The following PTPRT variants were observed in gnomAD, a reference collection of about 807,000 sequenced individuals.
The protein encoded by PTPRT is receptor-type tyrosine-protein phosphatase T.
In PTPRT, 56 loss-of-function variants were observed where a neutral mutation model predicts 176.8. That is an observed-to-expected ratio of 0.32 (90% CI 0.26 to 0.40). PTPRT has a LOEUF of 0.40. PTPRT is among the 10% of genes least tolerant of loss of function. The pLI, the probability that PTPRT is intolerant of heterozygous loss-of-function variation, is 1.00. For missense variants in PTPRT, 1,540 were observed against 1,908.2 expected (o/e 0.81, Z 3.60); for synonymous variants, 783 against 739.0 (o/e 1.06, Z -0.96).
rs889995599 is a variant in PTPRT at position 43,090,311 on chromosome 20, A to T, written c.88+99335T>A. The stretch of plus-strand genomic sequence containing the variant: ...GAGATGGAGTCTTGTTCTGTCGCCC[A>T]GGCTGGAGTGCAGTGGCGCCATCTC... On this transcript the variant is annotated intron_variant, in intron 1 of 30. Coordinates refer to ENST00000373187, the MANE Select transcript of PTPRT (RefSeq NM_007050.6). 4.0e-5 allele frequency among the ~76,000 whole-genome samples: 6 copies of T among 149,868 alleles called. No individual in the cohort carries two copies. In the Admixed American group the frequency reaches 4.0e-4, roughly 10 times the overall value.
At chr20:42,765,021 A>G (rs1432233511) in intron 5 of PTPRT, among the ~76,000 whole-genome samples, 4 of 152,210 alleles carry the variant, frequency 2.6e-5, no homozygotes, top group Admixed American at 1.3e-4. Context: ...TCCTCAGCTC[A>G]TCAACCCTGT....
At chr20:42,608,393 T>A (rs2073919396) in intron 7 of PTPRT, among the ~76,000 whole-genome samples, 1 of 152,168 alleles carries the variant, frequency 6.6e-6, no homozygotes, top group African/African-American at 2.4e-5. Flanking sequence ...TGCCTCTCTG[T>A]TGCAGAATGA....
At chr20:42,815,275 T>C (rs1285714932) in intron 2 of PTPRT, among the ~76,000 whole-genome samples, 1 of 152,260 alleles carries the variant, frequency 6.6e-6, no homozygotes, top group East Asian at 1.9e-4. Context: ...TGTCCTCTTA[T>C]GTTCAAACAC....
At chr20:42,693,312 C>T in intron 6 of PTPRT, among the ~76,000 whole-genome samples, 1 of 152,036 alleles carries the variant, frequency 6.6e-6, no homozygotes, top group Admixed American at 6.6e-5. Flanking sequence ...ATAAGCTATC[C>T]TAATAAAATA....
intron 5 of PTPRT, among the ~76,000 whole-genome samples, chr20:42,765,754 C>A (rs1460651132): frequency 6.6e-6 from 1 of 151,548 alleles, no homozygotes; most frequent in East Asian, 1.9e-4. Flanking sequence ...TTTCATAAAG[C>A]TTAATATTAT....
chr20:43,098,864 T>C (rs2012277909), intron 1 of PTPRT, among the ~76,000 whole-genome samples: 1 of 152,180 alleles, frequency 6.6e-6, no homozygotes, highest in Non-Finnish European at 1.5e-5. Context: ...TTTAAGTGGT[T>C]CTTATTTTGA....
intron 7 of PTPRT, chr20:42,607,447 T>C (rs140839027): frequency 6.6e-6 from 1 of 152,138 alleles, no homozygotes; most frequent in East Asian, 1.9e-4. Flanking sequence ...AAGTTAGGAC[T>C]GAGCCACCAA....
chr20:42,884,931 G>C (rs1326928825), intron 2 of PTPRT, among the ~76,000 whole-genome samples: 1 of 151,968 alleles, frequency 6.6e-6, no homozygotes, highest in African/African-American at 2.4e-5. Flanking sequence ...ACCTTACGCA[G>C]GTATACCCCA....
chr20:43,103,911 C>G (rs2012494303), intron 1 of PTPRT, among the ~76,000 whole-genome samples: 1 of 152,176 alleles, frequency 6.6e-6, no homozygotes, highest in Non-Finnish European at 1.5e-5. Flanking sequence ...ATTTTAACTT[C>G]TATCTCTCAT....
At chr20:42,729,592 G>A (rs910297777) in intron 6 of PTPRT, among the ~76,000 whole-genome samples, 4 of 152,180 alleles carry the variant, frequency 2.6e-5, no homozygotes, top group African/African-American at 9.7e-5. Flanking sequence ...CCACGTGAAA[G>A]GTGAGGCCAT....
intron 9 of PTPRT, among the ~76,000 whole-genome samples, chr20:42,440,480 T>A (rs1410660775): frequency 2.0e-5 from 3 of 151,190 alleles, no homozygotes; most frequent in Non-Finnish European, 4.4e-5. Flanking sequence ...GTTGTTTCTT[T>A]CTTTTTTTTT....
intron 7 of PTPRT, among the ~76,000 whole-genome samples, chr20:42,613,430 C>G (rs568272920): frequency 6.6e-6 from 1 of 152,348 alleles, no homozygotes; most frequent in South Asian, 2.1e-4. Flanking sequence ...TAAATCCATA[C>G]TAGTTATGCA....
chr20:42,216,507 G>C (rs547528303), intron 15 of PTPRT, among the ~76,000 whole-genome samples: 1 of 152,286 alleles, frequency 6.6e-6, no homozygotes, highest in East Asian at 1.9e-4. Context: ...CCTTGCTTCT[G>C]TTTTGTATCC....
chr20:43,087,092 C>G (rs944707699), intron 1 of PTPRT, among the ~76,000 whole-genome samples: 6 of 152,196 alleles, frequency 3.9e-5, no homozygotes, highest in African/African-American at 1.4e-4. Flanking sequence ...CCCTGGCAAC[C>G]ATGAATCTAA....
chr20:43,049,295 T>C (rs935748421), intron 1 of PTPRT, among the ~76,000 whole-genome samples: 6 of 151,990 alleles, frequency 3.9e-5, no homozygotes, highest in African/African-American at 1.5e-4. Flanking sequence ...ATCTAATGTA[T>C]GATCTCTTGA....
chr20:42,265,427 G>C (rs1212868347), intron 13 of PTPRT, among the ~76,000 whole-genome samples: 1 of 152,204 alleles, frequency 6.6e-6, no homozygotes, highest in African/African-American at 2.4e-5. Flanking sequence ...GTTTAAATGA[G>C]TTAATGATGT....
intron 5 of PTPRT, among the ~76,000 whole-genome samples, chr20:42,763,057 A>G (rs570670133): frequency 1.2e-3 from 176 of 152,300 alleles, no homozygotes; most frequent in Non-Finnish European, 2.0e-3. Flanking sequence ...TTCCACCCCC[A>G]GGCAAGACCC....
intron 1 of PTPRT, among the ~76,000 whole-genome samples, chr20:42,974,345 A>G (rs1982820958): frequency 6.6e-6 from 1 of 152,168 alleles, no homozygotes; most frequent in Non-Finnish European, 1.5e-5. Context: ...TAAGCCCCAG[A>G]GTACATCTTT....
intron 21 of PTPRT, among the ~76,000 whole-genome samples, chr20:42,117,241 C>T (rs1987334911): frequency 6.6e-6 from 1 of 152,194 alleles, no homozygotes; most frequent in Non-Finnish European, 1.5e-5. Context: ...CAGATTGTCT[C>T]CTTCCCATCG....
Sources: gnomAD v4.1 joint callset for allele counts (sites outside exome capture counted in the v4.1 genomes callset) on GRCh38, gnomAD v4.1.1 for gene constraint, MANE v1.5 for transcripts, NCBI Gene and HGNC (gene_info 2026-07-23, HGNC 2026-07-21) for gene names.